The following ADCY2 variants were observed in gnomAD, a reference collection of about 807,000 sequenced individuals.
The protein encoded by ADCY2 is adenylate cyclase type 2.
In ADCY2, 31 loss-of-function variants were observed where a neutral mutation model predicts 125.2. That is an observed-to-expected ratio of 0.25 (90% CI 0.19 to 0.33). The LOEUF (loss-of-function observed/expected upper bound fraction) is 0.33, where lower values mean the gene tolerates loss of function less well. ADCY2 is among the 10% of genes least tolerant of loss of function. The pLI is 1.00. For synonymous variants in ADCY2, 512 were observed against 548.4 expected, an observed-to-expected ratio of 0.93 and a Z score of 0.93; for missense variants, 904 against 1,418.2, an observed-to-expected ratio of 0.64 and a Z score of 5.82.
intron 3 of ADCY2, among the ~76,000 whole-genome samples, chr5:7,543,839 C>T (rs955379675): frequency 4.6e-5 from 7 of 151,706 alleles, no homozygotes; most frequent in African/African-American, 1.7e-4. Flanking sequence ...TGGTGAAACC[C>T]CGTCTCTACT....
chr5:7,532,536 A>G (rs1734683088), intron 3 of ADCY2, among the ~76,000 whole-genome samples: 1 of 152,326 alleles, frequency 6.6e-6, no homozygotes, highest in South Asian at 2.1e-4. Flanking sequence ...CTAATTTTTT[A>G]TTTAGTAGGA....
At chr5:7,615,288 G>A (rs1249918048) in intron 3 of ADCY2, among the ~76,000 whole-genome samples, 1 of 152,172 alleles carries the variant, frequency 6.6e-6, no homozygotes, top group Non-Finnish European at 1.5e-5. Context: ...AGATCCATAT[G>A]TGGTAAGGAA....
chr5:7,410,774 G>T (rs1445724715), intron 1 of ADCY2, among the ~76,000 whole-genome samples: 3 of 152,012 alleles, frequency 2.0e-5, no homozygotes, highest in Admixed American at 6.6e-5. Flanking sequence ...GGATACATAG[G>T]AATATTTAAT....
intron 1 of ADCY2, among the ~76,000 whole-genome samples, chr5:7,403,983 C>A (rs908688164): frequency 4.2e-5 from 6 of 141,540 alleles, no homozygotes; most frequent in African/African-American, 1.5e-4. Flanking sequence ...CACAAAATTA[C>A]TAAAGCGCTG....
chr5:7,679,586 G>C (rs1740260821), intron 4 of ADCY2, among the ~76,000 whole-genome samples: 1 of 152,230 alleles, frequency 6.6e-6, no homozygotes, highest in African/African-American at 2.4e-5. Flanking sequence ...GGAAGGGGCA[G>C]GTTCTGAAGT....
At chr5:7,400,064 A>G (rs1739206924) in intron 1 of ADCY2, among the ~76,000 whole-genome samples, 1 of 152,104 alleles carries the variant, frequency 6.6e-6, no homozygotes, top group African/African-American at 2.4e-5. Flanking sequence ...GCTGTTTTCA[A>G]AATTTGCCTG....
chr5:7,500,662 C>A (rs1213031794), intron 2 of ADCY2, among the ~76,000 whole-genome samples: 2 of 152,130 alleles, frequency 1.3e-5, no homozygotes, highest in African/African-American at 4.8e-5. Flanking sequence ...CTGTAAAGGT[C>A]ATCAAAAATG....
At chr5:7,471,031 A>G (rs886154640) in intron 2 of ADCY2, among the ~76,000 whole-genome samples, 5 of 151,856 alleles carry the variant, frequency 3.3e-5, no homozygotes, top group African/African-American at 1.2e-4. Flanking sequence ...TTTATTATTA[A>G]TAATATTCCT....
intron 2 of ADCY2, among the ~76,000 whole-genome samples, chr5:7,415,211 A>G (rs1739893087): frequency 6.6e-6 from 1 of 152,232 alleles, no homozygotes; most frequent in South Asian, 2.1e-4. Context: ...ATGTTATGCA[A>G]TAGATCACTG....
chr5:7,720,328 C>T (rs557504007), intron 12 of ADCY2, among the ~76,000 whole-genome samples: 29 of 152,246 alleles, frequency 1.9e-4, no homozygotes, highest in Non-Finnish European at 3.8e-4. Flanking sequence ...ATTCCCAAGT[C>T]AATTGCTGAT....
chr5:7,398,774 T>G (rs1192891939), intron 1 of ADCY2, among the ~76,000 whole-genome samples: 1 of 152,200 alleles, frequency 6.6e-6, no homozygotes, highest in East Asian at 1.9e-4. Flanking sequence ...GAGCTATGCC[T>G]AGGAGAAATG....
At chr5:7,569,211 T>C (rs1735998111) in intron 3 of ADCY2, among the ~76,000 whole-genome samples, 1 of 152,012 alleles carries the variant, frequency 6.6e-6, no homozygotes, top group Non-Finnish European at 1.5e-5. Context: ...AAGCAACACC[T>C]AAGGCAGGTG....
chr5:7,472,289 A>G (rs10475371), intron 2 of ADCY2, among the ~76,000 whole-genome samples: 5,111 of 152,156 alleles, frequency 0.034, 111 homozygotes, highest in Middle Eastern at 0.058. Flanking sequence ...TCGTATCTAA[A>G]CTTTCTTGAA....
intron 3 of ADCY2, among the ~76,000 whole-genome samples, chr5:7,584,125 C>T (rs1209079084): frequency 3.3e-5 from 5 of 151,890 alleles, no homozygotes; most frequent in Non-Finnish European, 5.9e-5. Flanking sequence ...TAGGGTTTTT[C>T]TTTACTCTGA....
chr5:7,416,114 C>T (rs1431881032), intron 2 of ADCY2, among the ~76,000 whole-genome samples: 1 of 152,148 alleles, frequency 6.6e-6, no homozygotes, highest in Non-Finnish European at 1.5e-5. Flanking sequence ...GGACAGAATA[C>T]TGTTGGTGTG....
intron 3 of ADCY2, among the ~76,000 whole-genome samples, chr5:7,620,874 G>A (rs1737930797): frequency 1.3e-5 from 2 of 150,690 alleles, no homozygotes; most frequent in South Asian, 4.2e-4. Flanking sequence ...TTTCTCCTTT[G>A]ACACTGTGCA....
chr5:7,419,838 A>G (rs1019933661), intron 2 of ADCY2, among the ~76,000 whole-genome samples: 3 of 152,230 alleles, frequency 2.0e-5, no homozygotes, highest in Non-Finnish European at 2.9e-5. Context: ...TAGCACGTGC[A>G]TGGTCTGGAC....
intron 4 of ADCY2, among the ~76,000 whole-genome samples, chr5:7,649,488 T>A (rs1236297983): frequency 6.6e-6 from 1 of 152,216 alleles, no homozygotes; most frequent in South Asian, 2.1e-4. Flanking sequence ...TATTTTTTCT[T>A]CTGTTTATTG....
At chr5:7,424,251 G>C (rs1260978098) in intron 2 of ADCY2, among the ~76,000 whole-genome samples, 1 of 152,190 alleles carries the variant, frequency 6.6e-6, no homozygotes, top group African/African-American at 2.4e-5. Context: ...CACTTCCAAG[G>C]TCCTCCAGTA....
Sources: gnomAD v4.1 joint callset for allele counts (sites outside exome capture counted in the v4.1 genomes callset) on GRCh38, gnomAD v4.1.1 for gene constraint, MANE v1.5 for transcripts, NCBI Gene and HGNC (gene_info 2026-07-23, HGNC 2026-07-21) for gene names.